Variants in ASXL3 observed in about 807,000 individuals in gnomAD.
ASXL3 encodes the protein putative Polycomb group protein ASXL3.
ASXL3 carries 34 observed loss-of-function variants against 170.6 expected under a neutral mutation model. The ratio of observed to expected loss-of-function variants is 0.20; its 90% CI spans 0.15 to 0.27. The LOEUF (loss-of-function observed/expected upper bound fraction) is 0.27. Ranked by LOEUF, ASXL3 falls within the 10% of genes least tolerant of loss-of-function variation. The pLI, the probability that ASXL3 is intolerant of heterozygous loss-of-function variation, is 1.00. For synonymous variants in ASXL3, 1,002 were observed against 989.1 expected (o/e 1.01, Z -0.24); for missense variants, 2,592 against 2,695.3 (o/e 0.96, Z 0.85).
intron 5 of ASXL3, among the ~76,000 whole-genome samples, chr18:33,667,788 T>C: frequency 6.6e-6 from 1 of 152,350 alleles, no homozygotes; most frequent in East Asian, 1.9e-4. Flanking sequence ...ATTTCATGTA[T>C]TTCCTTGTCA....
intron 2 of ASXL3, chr18:33,626,525 T>C (rs2065606541): frequency 6.6e-6 from 1 of 152,060 alleles, no homozygotes. Context: ...TCAAGGCTTT[T>C]TTTTTTTTCC....
intron 8 of ASXL3, among the ~76,000 whole-genome samples, chr18:33,688,438 A>G (rs1293360366): frequency 1.3e-5 from 2 of 152,200 alleles, no homozygotes; most frequent in Admixed American, 1.3e-4. Context: ...GACAATCATT[A>G]TGTGTGCAGG....
chr18:33,724,630 C>T (rs2067317170), intron 8 of ASXL3, among the ~76,000 whole-genome samples: 1 of 151,982 alleles, frequency 6.6e-6, no homozygotes, highest in Non-Finnish European at 1.5e-5. Flanking sequence ...GTGGGAAATA[C>T]TGTATAATTT....
intron 4 of ASXL3, among the ~76,000 whole-genome samples, chr18:33,650,116 G>T (rs1398417132): frequency 2.0e-5 from 3 of 152,106 alleles, no homozygotes; most frequent in Non-Finnish European, 2.9e-5. Context: ...CCTTGCATAA[G>T]ATATTAGAGA....
rs753143583 is a variant in ASXL3 at position 33,743,905 on chromosome 18, C to T, written c.4057C>T (p.Leu1353Phe). Residue 1353 changes from leucine (L) to phenylalanine (F), a missense_variant, in exon 12 of 12, where the codon CTC (leucine) becomes TTC (phenylalanine). By Grantham distance (22) the Leu-to-Phe change is conservative. Transcript: ENST00000269197. ...CTCCATCGGAAACAATTTGCCAAACCTCTCCACTAGCTCTGTCTTGATTCC... is the reference window on the plus strand; with the variant it reads ...CTCCATCGGAAACAATTTGCCAAACTTCTCCACTAGCTCTGTCTTGATTCC... ...TPSIGNNLPN[L>F]STSSVLIPPM... 6.2e-7 allele frequency: 1 copy of T among 1,614,018 alleles called. No homozygotes were observed. Among genetic ancestry groups the T allele is most frequent in the Non-Finnish European group, 8.5e-7 (1 of 1,179,892 alleles).
At chr18:33,630,438 AC>A (rs1181908392) in intron 2 of ASXL3, among the ~76,000 whole-genome samples, 1 of 151,726 alleles carries the variant, frequency 6.6e-6, no homozygotes, top group African/African-American at 2.4e-5. Context: ...ATATGGTAGC[AC>A]TTCTAATCAA....
At chr18:33,648,759 T>C (rs925445081) in intron 4 of ASXL3, among the ~76,000 whole-genome samples, 1 of 151,978 alleles carries the variant, frequency 6.6e-6, no homozygotes, top group African/African-American at 2.4e-5. Context: ...GGAGAGAGTA[T>C]AGAAAACAGT....
At chr18:33,588,848 T>C (rs979031408) in intron 1 of ASXL3, among the ~76,000 whole-genome samples, 1 of 152,154 alleles carries the variant, frequency 6.6e-6, no homozygotes, top group Non-Finnish European at 1.5e-5. Context: ...TTCTCCTCCT[T>C]TCTTTCATTT....
rs1307176042 is a variant in ASXL3, at chr18:33,734,320, C to A, written c.987C>A (p.Thr329=). The change falls in exon 10 of 12, where the codon ACC becomes ACA. Residue 329 remains threonine, a synonymous_variant. Transcript: ENST00000269197. ...WKQRLAEGEF[T]PEMQLRIRQE... ...GCATTTTCTTTTTAGGAGAGTTTAC[C>A]CCAGAAATGCAGTTGCGGATAAGGC... The A allele has an allele frequency of 1.9e-6, 3 of 1,596,444 alleles. No homozygotes were observed. The highest frequency in any genetic ancestry group is 2.3e-5 in the East Asian group (1 of 44,184).
At chr18:33,656,507 C>T (rs968570534) in intron 4 of ASXL3, among the ~76,000 whole-genome samples, 2 of 152,062 alleles carry the variant, frequency 1.3e-5, no homozygotes, top group Admixed American at 6.6e-5. Context: ...ATATAATGTA[C>T]AGATCCTGGT....
intron 1 of ASXL3, among the ~76,000 whole-genome samples, chr18:33,582,706 CTGTGTGTGTGTGTGTGTG>C (rs34434614): frequency 7.4e-6 from 1 of 135,952 alleles, no homozygotes; most frequent in African/African-American, 2.8e-5. Context: ...TGGTTTTTTT[CTGTGTGTGTGTGTGTGTG>C]TGTGTGTGTG....
Position 33,745,562 on chromosome 18 carries a change from G to A in ASXL3, c.5714G>A (p.Ser1905Asn). 6.2e-7 allele frequency: 1 copy of A among 1,613,996 alleles called. No homozygotes were observed. Among genetic ancestry groups the A allele is most frequent in the Admixed American group, 1.7e-5 (1 of 60,016 alleles). The change falls in exon 12 of 12, where the codon AGC (serine) becomes AAC (asparagine). Residue 1905 changes from serine to asparagine, a missense_variant. Coordinates refer to ENST00000269197, the MANE Select transcript of ASXL3 (RefSeq NM_030632.3). ...KQQKRLLPSC[S>N]FQQNLFHVDK... Reference sequence around the variant, plus strand: ...CAAAAGCGGCTGCTCCCCTCGTGTAGCTTCCAGCAGAACCTATTTCATGTT... The same window carrying A: ...CAAAAGCGGCTGCTCCCCTCGTGTAACTTCCAGCAGAACCTATTTCATGTT...
chr18:33,734,011 T>C (rs2067499434), intron 9 of ASXL3, among the ~76,000 whole-genome samples: 1 of 138,698 alleles, frequency 7.2e-6, no homozygotes. Context: ...GCTCTTTTAT[T>C]TGTAGCCCCT....
At chr18:33,583,422 G>A (rs112951982) in intron 1 of ASXL3, among the ~76,000 whole-genome samples, 343 of 152,208 alleles carry the variant, frequency 2.3e-3, no homozygotes, top group African/African-American at 8.0e-3. Context: ...CTTTTCTGTG[G>A]TCTGCACATA....
At chr18:33,585,486 T>C (rs986386618) in intron 1 of ASXL3, among the ~76,000 whole-genome samples, 6 of 152,196 alleles carry the variant, frequency 3.9e-5, no homozygotes, top group Non-Finnish European at 5.9e-5. Context: ...ACCTCTCCTC[T>C]TCCCTCAGTA....
intron 2 of ASXL3, 27 bp from the exon 3 acceptor site, chr18:33,644,867 T>A: frequency 6.8e-7 from 1 of 1,460,840 alleles, no homozygotes; most frequent in African/African-American, 1.4e-5. Flanking sequence ...TCAGACTGCT[T>A]CATTTTTGCA....
intron 8 of ASXL3, among the ~76,000 whole-genome samples, chr18:33,684,942 CT>C (rs2066570690): frequency 6.6e-6 from 1 of 152,030 alleles, no homozygotes; most frequent in Non-Finnish European, 1.5e-5. Context: ...AAAAGCTAAT[CT>C]GGTGGAAGTC....
rs1013592703 is a variant in ASXL3 at position 33,644,605 on chromosome 18, T to C, written c.138-289T>C. ...TTTGGGCTTTGGTTTCTGTAAAATA[T>C]AGTATTGGTTACTCTATGAATAAAA... On this transcript the variant is annotated intron_variant, in intron 2 of 11. Transcript: ENST00000269197. Among the ~76,000 whole-genome samples, 6 of 151,690 alleles carry C rather than the reference T, an allele frequency of 4.0e-5. No individual in the cohort carries two copies. In the South Asian group the frequency reaches 1.0e-3, roughly 26 times the overall value.
chr18:33,612,769 T>C (rs1406930289), intron 2 of ASXL3, among the ~76,000 whole-genome samples: 1 of 152,148 alleles, frequency 6.6e-6, no homozygotes, highest in Non-Finnish European at 1.5e-5. Context: ...GAGATGATTC[T>C]TTCTTGCCGC....
Sources: allele counts gnomAD v4.1 joint callset (sites outside exome capture counted in the v4.1 genomes callset), GRCh38; gene constraint gnomAD v4.1.1; transcripts MANE v1.5; gene names NCBI Gene and HGNC (gene_info 2026-07-23, HGNC 2026-07-21).